DNAI3: variants seen among roughly 807,000 people sequenced by gnomAD.
DNAI3 encodes the protein WD repeat domain 63.
In DNAI3, 83 loss-of-function variants were observed where a neutral mutation model predicts 115.5. The observed-to-expected ratio is 0.72, with a 90% CI of 0.60 to 0.86. DNAI3 has a LOEUF of 0.86. Among genes scored for constraint, DNAI3 ranks in the 40% least tolerant of loss-of-function variants. The probability of loss-of-function intolerance (pLI) is 0.00; values close to 1 mark genes in which losing one functional copy is unlikely to be tolerated. For missense variants in DNAI3, 1,004 were observed against 1,075.8 expected, an observed-to-expected ratio of 0.93 and a Z score of 0.93; for synonymous variants, 320 against 347.0, an observed-to-expected ratio of 0.92 and a Z score of 0.86.
chr1:85,121,571 A>G (rs963258773), intron 17 of DNAI3, among the ~76,000 whole-genome samples, 180 bp from the exon 18 acceptor site: 2 of 152,238 alleles, frequency 1.3e-5, no homozygotes, highest in Admixed American at 6.5e-5. Context: ...TGTTTCTTCA[A>G]TATAAAATTG....
intron 1 of DNAI3, among the ~76,000 whole-genome samples, chr1:85,065,671 CT>C (rs1240614996): frequency 6.6e-6 from 1 of 152,188 alleles, no homozygotes; most frequent in East Asian, 1.9e-4. Flanking sequence ...CATATACTCC[CT>C]TCATGGCCTT....
chr1:85,063,619 T>C (rs1238956676), intron 1 of DNAI3, among the ~76,000 whole-genome samples: 1 of 152,180 alleles, frequency 6.6e-6, no homozygotes, highest in East Asian at 1.9e-4. Flanking sequence ...GTCCAGGAAA[T>C]TTGCATTTCA....
chr1:85,073,630 A>G (rs1386858421), intron 3 of DNAI3, among the ~76,000 whole-genome samples: 3 of 152,322 alleles, frequency 2.0e-5, no homozygotes, highest in South Asian at 2.1e-4. Flanking sequence ...ACTTTTAGAA[A>G]CAGAAAGGAG....
chr1:85,069,846 C>A (rs1369946756), intron 1 of DNAI3, among the ~76,000 whole-genome samples: 1 of 152,078 alleles, frequency 6.6e-6, no homozygotes, highest in Admixed American at 6.6e-5. Flanking sequence ...TGAAATTATG[C>A]TAAGACTGGG....
In DNAI3 at chr1:85,072,111, G is replaced by A. The variant is rs1286072366; in HGVS notation, c.64+106G>A. On this transcript the variant is annotated intron_variant, in intron 2 of 22. Transcript: ENST00000294664. Reference sequence around the variant, plus strand: ...ATATCAAATGAAATAAAATATTTCTGTGACATAAAGTCAAATGTATGAGGA... The same window carrying A: ...ATATCAAATGAAATAAAATATTTCTATGACATAAAGTCAAATGTATGAGGA... 6 of 1,101,054 alleles carry A rather than the reference G, an allele frequency of 5.4e-6. No individual in the cohort carries two copies. In the African/African-American group the frequency reaches 6.4e-5, roughly 12 times the overall value. 68.2% of individuals were successfully genotyped at this position (1,101,054 alleles called of 1,614,324 possible).
At chr1:85,072,200 A>C (rs1208067514) in intron 2 of DNAI3, among the ~76,000 whole-genome samples, 195 bp downstream of exon 2, 1 of 152,240 alleles carries the variant, frequency 6.6e-6, no homozygotes, top group Non-Finnish European at 1.5e-5. Flanking sequence ...ATTAGATGCG[A>C]TATAATGAAT....
Position 85,132,884 on chromosome 1 carries a change from G to C in DNAI3, c.2562G>C (p.Met854Ile), listed in dbSNP as rs1451073381. 1 of 1,613,702 alleles carries C rather than the reference G, an allele frequency of 6.2e-7. No homozygotes were observed. Among genetic ancestry groups the C allele is most frequent in the South Asian group, 1.1e-5 (1 of 91,052 alleles). ...VKTYQKSKEQMQAELKMDYES... is the reference protein window; with the variant it reads ...VKTYQKSKEQIQAELKMDYES... ...CATATCAGAAGTCAAAAGAACAAAT[G>C]CAGGCTGAATTAAAAATGGACTATG... The change falls in exon 23 of 23, where the codon ATG becomes ATC. Residue 854 changes from methionine to isoleucine, a missense_variant. Around this residue, in one of 3 missense-constraint regions of DNAI3, gnomAD observed 429 missense variants for 454.3 expected, o/e 0.94. Coordinates refer to ENST00000294664, the MANE Select transcript of DNAI3 (RefSeq NM_145172.5).
chr1:85,073,421 GGTAATA>G (rs1654348703), intron 3 of DNAI3, among the ~76,000 whole-genome samples: 1 of 152,148 alleles, frequency 6.6e-6, no homozygotes, highest in Non-Finnish European at 1.5e-5. Flanking sequence ...TTTGCTCATA[GGTAATA>G]TTTATCTGTA....
At chr1:85,120,120 C>T (rs962927661) in intron 17 of DNAI3, among the ~76,000 whole-genome samples, 17 of 152,378 alleles carry the variant, frequency 1.1e-4, no homozygotes, top group African/African-American at 4.1e-4. Context: ...CCAGGCATTG[C>T]TCTTGGCCCT....
chr1:85,075,655 T>G (rs1654429555), intron 3 of DNAI3, among the ~76,000 whole-genome samples: 1 of 152,104 alleles, frequency 6.6e-6, no homozygotes, highest in African/African-American at 2.4e-5. Flanking sequence ...ATCAATAGGC[T>G]AACTAAAAAA....
intron 21 of DNAI3, among the ~76,000 whole-genome samples, chr1:85,129,244 T>C (rs765758878): frequency 6.6e-6 from 1 of 152,152 alleles, no homozygotes; most frequent in Non-Finnish European, 1.5e-5. Flanking sequence ...CCCCACACTG[T>C]ACCCACCACC....
chr1:85,109,550 G>C (rs1418970070), intron 15 of DNAI3, among the ~76,000 whole-genome samples: 1 of 152,146 alleles, frequency 6.6e-6, no homozygotes, highest in Non-Finnish European at 1.5e-5. Context: ...GGAAAACTGT[G>C]AAGTGTGACA....
chr1:85,090,987 C>G (rs1009324440), intron 8 of DNAI3, among the ~76,000 whole-genome samples: 13 of 152,270 alleles, frequency 8.5e-5, no homozygotes, highest in African/African-American at 3.1e-4. Context: ...GTCGTTGGTT[C>G]TTTCATACTG....
chr1:85,128,879 G>T, intron 21 of DNAI3, 80 bp downstream of exon 21: 4 of 1,340,306 alleles, frequency 3.0e-6, no homozygotes, highest in South Asian at 2.5e-5. Context: ...TGTTAGAAAT[G>T]ACAGCATTTT....
intron 1 of DNAI3, among the ~76,000 whole-genome samples, chr1:85,063,614 G>T (rs1318163030): frequency 6.6e-6 from 1 of 152,174 alleles, no homozygotes; most frequent in Non-Finnish European, 1.5e-5. Context: ...AGGAGGTCCA[G>T]GAAATTTGCA....
At position 85,130,108 on chromosome 1, in the gene DNAI3, A is replaced by T. The variant is rs552415420; in HGVS notation, c.2528A>T (p.Lys843Ile). 3 of 1,613,150 alleles carry T rather than the reference A, an allele frequency of 1.9e-6. No homozygotes were observed. In the South Asian group the frequency reaches 3.3e-5, roughly 18 times the overall value. The change falls in exon 22 of 23, where the codon AAA (lysine) becomes ATA (isoleucine). Residue 843 changes from lysine to isoleucine, a missense_variant. Around this residue, in one of 3 missense-constraint regions of DNAI3, gnomAD observed 429 missense variants for 454.3 expected, o/e 0.94. Coordinates refer to ENST00000294664, the MANE Select transcript of DNAI3 (RefSeq NM_145172.5). ...ATGGAACTAGAAATGGCAAAGAAAA[A>T]AGTTGTAAGTTAAATTTCAGAAATG... The part of the protein sequence containing the change: ...KEMELEMAKK[K>I]VKTYQKSKEQ...
rs1198141457 is a variant in DNAI3 at position 85,080,882 on chromosome 1, T to C, written c.104-352T>C. Reference sequence around the variant, plus strand: ...CATCTAAAATTATGTTTTAGACAGATACTTAGTGTCATTGTAAAATACTTG... The same window carrying C: ...CATCTAAAATTATGTTTTAGACAGACACTTAGTGTCATTGTAAAATACTTG... On this transcript the variant is annotated intron_variant, in intron 3 of 22. Coordinates refer to ENST00000294664, the MANE Select transcript of DNAI3 (RefSeq NM_145172.5). 2.0e-5 allele frequency among the ~76,000 whole-genome samples: 3 copies of C among 152,354 alleles called. No homozygotes were observed. In the East Asian group the frequency reaches 5.8e-4, roughly 29 times the overall value.
chr1:85,095,846 A>T, intron 10 of DNAI3, 85 bp from the exon 11 acceptor site: 1 of 1,304,060 alleles, frequency 7.7e-7, no homozygotes, highest in Non-Finnish European at 1.1e-6. Flanking sequence ...ATAAAATTAG[A>T]CTTTTAACTG....
At chr1:85,104,732 G>A (rs1655433929) in intron 14 of DNAI3, 135 bp downstream of exon 14, 1 of 711,568 alleles carries the variant, frequency 1.4e-6, no homozygotes, top group Non-Finnish European at 2.3e-6. Context: ...ATGAAAGAAT[G>A]TTATGGATTG....
Sources: allele counts gnomAD v4.1 joint callset (sites outside exome capture counted in the v4.1 genomes callset), GRCh38; gene constraint gnomAD v4.1.1; regional missense constraint gnomAD v4.1.1; transcripts MANE v1.5; gene names NCBI Gene and HGNC (gene_info 2026-07-23, HGNC 2026-07-21).